Variants in NAMPT observed in about 807,000 individuals in gnomAD.
The protein encoded by NAMPT is NAmPRTase.
In NAMPT, 7 loss-of-function variants were observed where a neutral mutation model predicts 58.7. The observed-to-expected ratio is 0.12, with a 90% confidence interval of 0.07 to 0.22. The LOEUF is 0.22. NAMPT is among the 10% of genes least tolerant of loss of function. The pLI is 1.00. For missense variants in NAMPT, 271 were observed against 567.9 expected, an observed-to-expected ratio of 0.48 and a Z score of 5.31; for synonymous variants, 145 against 198.1, an observed-to-expected ratio of 0.73 and a Z score of 2.25.
At chr7:106,285,237 GCACGCGCTCTTCCTCCCAGACGC>G (rs1288347420), upstream of NAMPT, 11 of 969,804 alleles carry the variant, frequency 1.1e-5, no homozygotes, top group African/African-American at 1.9e-4. Context: ...AGGACGTGAT[GCACGCGCTCTTCCTCCCAGACGC>G]CAGCTCTGGG....
rs760248004 is a variant in NAMPT at position 106,251,118 on chromosome 7, G to T, written c.1441C>A (p.Gln481Lys). The change falls in exon 11 of 11, where the codon CAG (glutamine) becomes AAG (lysine). Residue 481 changes from glutamine (Q) to lysine (K), a missense_variant. By Grantham distance (53) the Gln-to-Lys change is moderately conservative. Coordinates refer to ENST00000222553, the MANE Select transcript of NAMPT (RefSeq NM_005746.3). The stretch of plus-strand genomic sequence containing the variant: ...GCTGCTTCCAGTTCAATATTCAGCT[G>T]TGCATTTTTTCTTATTTCATCAAAT... ...YSFDEIRKNA[Q>K]LNIELEAAHH 7 of 1,596,800 alleles carry T rather than the reference G, an allele frequency of 4.4e-6. No homozygotes were observed. In the Admixed American group the frequency reaches 1.2e-4, roughly 27 times the overall value.
chr7:106,276,957 TA>T, intron 2 of NAMPT, 65 bp downstream of exon 2: 1 of 1,282,404 alleles, frequency 7.8e-7, no homozygotes, highest in South Asian at 1.3e-5. Context: ...TTAAAAATTC[TA>T]AAAGAACTCC....
intron 7 of NAMPT, among the ~76,000 whole-genome samples, chr7:106,262,089 T>C (rs768937782): frequency 1.4e-4 from 22 of 152,114 alleles, no homozygotes; most frequent in Non-Finnish European, 2.8e-4. Context: ...TTTGGACTTA[T>C]TCTGCTTGTG....
At chr7:106,257,206 G>A (rs1169749306) in intron 8 of NAMPT, among the ~76,000 whole-genome samples, 1 of 151,728 alleles carries the variant, frequency 6.6e-6, no homozygotes, top group East Asian at 1.9e-4. Flanking sequence ...AACACAAAAC[G>A]ATTCAATCCT....
In NAMPT at chr7:106,249,651, G is replaced by A; in HGVS notation, c.*1432C>T. ...CAGGTTAATAAACATTTTGGGCTTT[G>A]CGATTCTCATTTGGCTTCTATTGCA... On this transcript the variant is annotated 3_prime_UTR_variant, in exon 11 of 11. Transcript: ENST00000222553. 6.6e-6 allele frequency: 1 copy of A among 151,980 alleles called. No homozygotes were observed. Among genetic ancestry groups the A allele is most frequent in the East Asian group, 1.9e-4 (1 of 5,188 alleles). The allele number at this position is 151,980 out of a possible 1,614,324, so 9.4% of individuals were successfully genotyped here. A position where few individuals can be genotyped will look rare whatever the true frequency, so the allele number is the denominator to read the frequency against.
At chr7:106,274,767 A>C (rs996094293) in intron 3 of NAMPT, among the ~76,000 whole-genome samples, 179 bp downstream of exon 3, 20 of 152,206 alleles carry the variant, frequency 1.3e-4, no homozygotes, top group African/African-American at 4.3e-4. Flanking sequence ...AGGCAGGAGA[A>C]TAGCTTGAAC....
At chr7:106,278,112 T>C (rs1274006468) in intron 1 of NAMPT, among the ~76,000 whole-genome samples, 1 of 152,212 alleles carries the variant, frequency 6.6e-6, no homozygotes, top group East Asian at 1.9e-4. Flanking sequence ...GAGTGATCAC[T>C]GTGAACATAA....
intron 9 of NAMPT, among the ~76,000 whole-genome samples, chr7:106,253,886 C>G (rs1241206742): frequency 6.6e-6 from 1 of 152,118 alleles, no homozygotes; most frequent in Non-Finnish European, 1.5e-5. Flanking sequence ...GCTCTCAAGA[C>G]GTTACAAAGA....
intron 7 of NAMPT, among the ~76,000 whole-genome samples, chr7:106,262,525 A>T (rs559358043): frequency 6.6e-6 from 1 of 152,248 alleles, no homozygotes; most frequent in Non-Finnish European, 1.5e-5. Context: ...AGGCTAAGAC[A>T]AGACTTTCAG....
At chr7:106,284,670 C>G in intron 1 of NAMPT, 158 bp downstream of exon 1, 1 of 898,976 alleles carries the variant, frequency 1.1e-6, no homozygotes, top group Non-Finnish European at 1.4e-6. Context: ...TCACCTGCCC[C>G]AGCCGCCGCC....
intron 8 of NAMPT, among the ~76,000 whole-genome samples, chr7:106,259,400 G>A (rs1023315086): frequency 1.3e-5 from 2 of 152,120 alleles, no homozygotes; most frequent in Admixed American, 6.5e-5. Flanking sequence ...CTAGAATGGT[G>A]AACCCTTTCA....
chr7:106,273,155 A>G (rs1018002188), intron 3 of NAMPT, among the ~76,000 whole-genome samples: 3 of 152,246 alleles, frequency 2.0e-5, no homozygotes, highest in Admixed American at 1.3e-4. Flanking sequence ...ATCCCTGCAG[A>G]AGAACCGAAA....
chr7:106,261,227 G>A (rs1433862212), intron 8 of NAMPT, among the ~76,000 whole-genome samples: 1 of 152,172 alleles, frequency 6.6e-6, no homozygotes, highest in Non-Finnish European at 1.5e-5. Context: ...AATATTATGA[G>A]TTTTACAGAT....
chr7:106,275,554 G>A (rs1242796647), intron 2 of NAMPT: 1 of 152,506 alleles, frequency 6.6e-6, no homozygotes, highest in African/African-American at 2.4e-5. Context: ...TATGATGTTT[G>A]TGAGGACAAA....
At chr7:106,270,759 AG>A (rs2115792199) in intron 4 of NAMPT, among the ~76,000 whole-genome samples, 1 of 152,320 alleles carries the variant, frequency 6.6e-6, no homozygotes, top group East Asian at 1.9e-4. Flanking sequence ...CATGGGAATG[AG>A]GCCATTAAAG....
At chr7:106,255,643 A>G (rs1313445182) in intron 8 of NAMPT, among the ~76,000 whole-genome samples, 1 of 152,232 alleles carries the variant, frequency 6.6e-6, no homozygotes, top group African/African-American at 2.4e-5. Flanking sequence ...AGATGAATCT[A>G]GAAGAATCAA....
At chr7:106,254,757 G>A (rs997112186) in intron 8 of NAMPT, among the ~76,000 whole-genome samples, 1 of 152,102 alleles carries the variant, frequency 6.6e-6, no homozygotes, top group African/African-American at 2.4e-5. Flanking sequence ...TAGGATTCGG[G>A]GAGTGAAGGA....
intron 4 of NAMPT, chr7:106,270,084 G>GA (rs1269966476): frequency 5.5e-6 from 1 of 182,034 alleles, no homozygotes; most frequent in Non-Finnish European, 1.3e-5. Context: ...ATGAGAAAAT[G>GA]AAAGAATTGC....
chr7:106,285,085 G>A (rs1034846140), upstream of NAMPT: 8 of 1,351,642 alleles, frequency 5.9e-6, no homozygotes, highest in African/African-American at 1.5e-5. Flanking sequence ...GACGGCTGCG[G>A]CGGCTCGCGT....
Sources: allele counts gnomAD v4.1 joint callset (sites outside exome capture counted in the v4.1 genomes callset), GRCh38; gene constraint gnomAD v4.1.1; transcripts MANE v1.5; gene names NCBI Gene and HGNC (gene_info 2026-07-23, HGNC 2026-07-21).